ABCC12: variants seen among roughly 807,000 people sequenced by gnomAD.
The protein encoded by ABCC12 is ATP binding cassette subfamily C member 12.
A neutral mutation model predicts 151.1 loss-of-function variants in ABCC12; 142 were observed. That is an observed-to-expected ratio of 0.94 (90% CI 0.82 to 1.08). ABCC12 has a LOEUF of 1.08. ABCC12 is among the 50% of genes least tolerant of loss of function. ABCC12 has a pLI of 0.00. For missense variants in ABCC12, 1,638 were observed against 1,691.1 expected (o/e 0.97, Z 0.55); for synonymous variants, 645 against 646.4 (o/e 1.00, Z 0.03).
intron 20 of ABCC12, among the ~76,000 whole-genome samples, chr16:48,106,834 C>G (rs1014194138): frequency 6.6e-6 from 1 of 152,192 alleles, no homozygotes; most frequent in Non-Finnish European, 1.5e-5. Flanking sequence ...GAAGGGTCCC[C>G]CATGGCTCTG....
At position 48,085,711 on chromosome 16, in the gene ABCC12, A is replaced by C. The variant is rs141161906; in HGVS notation, c.3715-5T>G. On this transcript the variant is annotated splice_polypyrimidine_tract_variant and splice_region_variant and intron_variant, in intron 28 of 30. Transcript: ENST00000311303. ...TTTTTCTGGGAGTTTCATTATCTAC[A>C]AAACACAAAAAATGCCACATTTGTG... 157 of 1,607,278 alleles carry C rather than the reference A, an allele frequency of 9.8e-5. No homozygotes were observed. The East Asian group carries it at 2.9e-3, about 30-fold the overall frequency.
At chr16:48,089,965 T>C (rs1165217435) in intron 25 of ABCC12, among the ~76,000 whole-genome samples, 1 of 152,192 alleles carries the variant, frequency 6.6e-6, no homozygotes, top group Non-Finnish European at 1.5e-5. Context: ...TCAAGAAGGT[T>C]TGTTGTTAAA....
At chr16:48,154,931 G>A (rs189568567) in intron 1 of ABCC12, among the ~76,000 whole-genome samples, 159 of 152,306 alleles carry the variant, frequency 1.0e-3, no homozygotes, top group Non-Finnish European at 2.0e-3. Context: ...ATATCTGATG[G>A]TCTCCCCCAA....
chr16:48,096,456 G>A (rs1443184565), intron 24 of ABCC12, among the ~76,000 whole-genome samples: 2 of 152,200 alleles, frequency 1.3e-5, no homozygotes, highest in African/African-American at 2.4e-5. Flanking sequence ...CTCCGTGGCT[G>A]GGCCAGGAAA....
At chr16:48,109,069 G>A (rs569846311) in intron 18 of ABCC12, among the ~76,000 whole-genome samples, 1 of 152,242 alleles carries the variant, frequency 6.6e-6, no homozygotes, top group Admixed American at 6.5e-5. Flanking sequence ...GTTAATTCCC[G>A]TACTTCCAGC....
chr16:48,113,547 T>C (rs532385767), intron 15 of ABCC12, among the ~76,000 whole-genome samples: 1 of 152,292 alleles, frequency 6.6e-6, no homozygotes, highest in African/African-American at 2.4e-5. Flanking sequence ...CCCCAACCAC[T>C]AAGATGCTTG....
Position 48,091,187 on chromosome 16 carries a change from C to T in ABCC12, c.3218G>A (p.Cys1073Tyr). 2 of 1,614,140 alleles carry T rather than the reference C, an allele frequency of 1.2e-6. No individual in the cohort carries two copies. Among genetic ancestry groups the T allele is most frequent in the Non-Finnish European group, 1.7e-6 (2 of 1,179,986 alleles). The change falls in exon 25 of 31, where the codon TGT becomes TAT. Residue 1073 changes from cysteine to tyrosine, a missense_variant. Coordinates refer to ENST00000311303, the MANE Select transcript of ABCC12 (RefSeq NM_001393797.1). ...TTGCGTCTCTGTTCCCGTTCGCACACACACTTGGAGCAGTCCGCTCAGCTG... is the reference window on the plus strand; with the variant it reads ...TTGCGTCTCTGTTCCCGTTCGCACATACACTTGGAGCAGTCCGCTCAGCTG... ...IIQLSGLLQV[C>Y]VRTGTETQAK...
intron 20 of ABCC12, 133 bp downstream of exon 20, chr16:48,107,189 C>T (rs1163381874): frequency 4.7e-6 from 4 of 854,172 alleles, no homozygotes; most frequent in African/African-American, 1.7e-5. Flanking sequence ...GCATCTGACT[C>T]CCACTTCTTG....
At chr16:48,093,188 C>T (rs1962973194) in intron 24 of ABCC12, among the ~76,000 whole-genome samples, 1 of 152,150 alleles carries the variant, frequency 6.6e-6, no homozygotes, top group Non-Finnish European at 1.5e-5. Context: ...GAAGGATTAT[C>T]CAGCCCCAAA....
chr16:48,131,363 G>A (rs1404818051), intron 9 of ABCC12, among the ~76,000 whole-genome samples: 2 of 152,176 alleles, frequency 1.3e-5, no homozygotes, highest in Non-Finnish European at 2.9e-5. Context: ...GCTCCCTGGA[G>A]GGACCTGCTT....
At position 48,122,605 on chromosome 16, in the gene ABCC12, C is replaced by T. The variant is rs116197172; in HGVS notation, c.1588-765G>A. On this transcript the variant is annotated intron_variant, in intron 12 of 30. Transcript: ENST00000311303. ...CCACAGTGCTCAGGGCTGATGCTCA[C>T]GGGGCAGTGGCAGTGGGTCCAGGGG... is the stretch of plus-strand genomic sequence containing the variant. Among the ~76,000 whole-genome samples the T allele has an allele frequency of 8.0e-3, 1,220 of 152,186 alleles. 18 individuals are homozygous for T. Among genetic ancestry groups the T allele is most frequent in the African/African-American group, 0.028 (1,177 of 41,540 alleles).
chr16:48,087,674 G>C, intron 27 of ABCC12: 1 of 412,670 alleles, frequency 2.4e-6, no homozygotes, highest in Non-Finnish European at 4.3e-6. Context: ...GTGTATGAAT[G>C]AATACAGAAG....
intron 14 of ABCC12, among the ~76,000 whole-genome samples, chr16:48,116,289 G>A (rs1199755053): frequency 6.6e-6 from 1 of 152,176 alleles, no homozygotes. Flanking sequence ...GGACACACAA[G>A]CTGGACAAGA....
chr16:48,117,340 G>A lies in ABCC12; in HGVS notation c.1713-7C>T, dbSNP rs375371708. ...GCGGACTGTGTGCTGATACCTGTTG[G>A]TGCAAAGCTCAGAAGTAGCTGGGTG... On this transcript the variant is annotated splice_region_variant and splice_polypyrimidine_tract_variant and intron_variant, in intron 13 of 30. Transcript: ENST00000311303. The A allele has an allele frequency of 3.1e-6, 5 of 1,613,338 alleles. No individual in the cohort carries two copies. The highest frequency in any genetic ancestry group is 1.1e-5 in the South Asian group (1 of 90,882).
chr16:48,121,588 T>TC lies in ABCC12; in HGVS notation c.1712+127_1712+128insG. 5 of 1,275,438 alleles carry TC rather than the reference T, an allele frequency of 3.9e-6. No individual in the cohort carries two copies. The Admixed American group carries it at 6.7e-5, about 17-fold the overall frequency. 79.0% of individuals were successfully genotyped at this position (1,275,438 alleles called of 1,614,324 possible). A position where few individuals can be genotyped will look rare whatever the true frequency, so the allele number is the denominator to read the frequency against. On this transcript the variant is annotated intron_variant, in intron 13 of 30. Transcript: ENST00000311303. ...AGGAAAACCAGTGTCTGTGTGGATC[T>TC]GATGAATGTTTAATCAGAATTCATT...
In ABCC12 at chr16:48,083,779, T is replaced by G; in HGVS notation, c.4016A>C (p.Glu1339Ala). The G allele has an allele frequency of 6.2e-7, 1 of 1,614,180 alleles. No homozygotes were observed. Among genetic ancestry groups the G allele is most frequent in the Non-Finnish European group, 8.5e-7 (1 of 1,180,030 alleles). ...NGKVIEFDKP[E>A]VLAEKPDSAF... is the part of the protein sequence containing the mutation. ...AGAATCTGGCTTCTCTGCAAGGACT[T>G]CAGGCTTGTCAAACTCAATCACCTG... Residue 1339 changes from glutamate (E) to alanine (A), a missense_variant, in exon 31 of 31, where the codon GAA becomes GCA. By Grantham distance (107) the Glu-to-Ala change is moderately radical. Transcript: ENST00000311303.
At chr16:48,141,428 C>G in intron 4 of ABCC12, 75 bp from the exon 5 acceptor site, 7 of 1,575,826 alleles carry the variant, frequency 4.4e-6, no homozygotes, top group Non-Finnish European at 5.2e-6. Context: ...GTTGGGCATG[C>G]TCTTGCAAGG....
chr16:48,134,191 G>A (rs2150661941), intron 8 of ABCC12, among the ~76,000 whole-genome samples: 1 of 152,320 alleles, frequency 6.6e-6, no homozygotes. Flanking sequence ...GCAGCAGAAT[G>A]GAGAGGAGAA....
At position 48,128,548 on chromosome 16, in the gene ABCC12, T is replaced by A; in HGVS notation, c.1426A>T (p.Ser476Cys). The A allele has an allele frequency of 6.2e-7, 1 of 1,614,254 alleles. No individual in the cohort carries two copies. Among genetic ancestry groups the A allele is most frequent in the Non-Finnish European group, 8.5e-7 (1 of 1,180,052 alleles). ...KQRSEAYSER[S>C]PPAKGATGPE... is the part of the protein sequence containing the mutation. Reference sequence around the variant, plus strand: ...CCAGTGGCTCCCTTGGCTGGTGGACTCCTCTCACTGTATGCCTCTGACCTC... The same window carrying A: ...CCAGTGGCTCCCTTGGCTGGTGGACACCTCTCACTGTATGCCTCTGACCTC... Residue 476 changes from serine (S) to cysteine (C), a missense_variant, in exon 11 of 31, where the codon AGT (serine) becomes TGT (cysteine). Physicochemically the swap from Ser to Cys is moderately radical, Grantham distance 112. Coordinates refer to ENST00000311303, the MANE Select transcript of ABCC12 (RefSeq NM_001393797.1).
Sources: allele counts gnomAD v4.1 joint callset (sites outside exome capture counted in the v4.1 genomes callset), GRCh38; gene constraint gnomAD v4.1.1; transcripts MANE v1.5; gene names NCBI Gene and HGNC (gene_info 2026-07-23, HGNC 2026-07-21).